Variants in ADGRL3 observed in about 807,000 individuals in gnomAD.
ADGRL3 encodes the protein calcium-independent alpha-latrotoxin receptor 3.
ADGRL3 carries 62 observed loss-of-function variants against 153.5 expected under a neutral mutation model. That is an observed-to-expected ratio of 0.40 (90% CI 0.33 to 0.50). The LOEUF (loss-of-function observed/expected upper bound fraction) is 0.50. Among genes scored for constraint, ADGRL3 ranks in the 20% least tolerant of loss-of-function variants. ADGRL3 has a pLI of 0.47. For synonymous variants in ADGRL3, 710 were observed against 672.5 expected, an observed-to-expected ratio of 1.06 and a Z score of -0.86; for missense variants, 1,641 against 1,859.4, an observed-to-expected ratio of 0.88 and a Z score of 2.16.
intron 1 of ADGRL3, among the ~76,000 whole-genome samples, chr4:61,220,757 A>G (rs1483811792): frequency 6.6e-6 from 1 of 152,148 alleles, no homozygotes; most frequent in Non-Finnish European, 1.5e-5. Context: ...TGTATATCAA[A>G]CTATCTTTTT....
At chr4:61,895,691 C>T in intron 10 of ADGRL3, 40 bp from the exon 11 acceptor site, 1 of 1,087,176 alleles carries the variant, frequency 9.2e-7, no homozygotes. Flanking sequence ...TGAAGTCATT[C>T]TAAGAAAAAG....
chr4:61,949,971 GA>G (rs1395601629), intron 17 of ADGRL3, among the ~76,000 whole-genome samples: 1 of 152,090 alleles, frequency 6.6e-6, no homozygotes, highest in Non-Finnish European at 1.5e-5. Flanking sequence ...ATTGTGGAAA[GA>G]AAATGACTAC....
intron 21 of ADGRL3, among the ~76,000 whole-genome samples, chr4:62,009,945 G>C (rs1411022345): frequency 1.3e-5 from 2 of 152,080 alleles, no homozygotes; most frequent in East Asian, 1.9e-4. Context: ...TCTGAGTACA[G>C]CTTTATTATA....
intron 4 of ADGRL3, among the ~76,000 whole-genome samples, chr4:61,585,274 C>G (rs1444243829): frequency 6.6e-6 from 1 of 151,970 alleles, no homozygotes; most frequent in Admixed American, 6.6e-5. Flanking sequence ...GAAGTTTTGC[C>G]TAGGGTCTAT....
chr4:61,945,471 G>C (rs1465767095), intron 15 of ADGRL3, among the ~76,000 whole-genome samples: 4 of 123,508 alleles, frequency 3.2e-5, no homozygotes, highest in East Asian at 2.5e-4. Context: ...CACCCAGTTC[G>C]AGCTTCCAGG....
intron 3 of ADGRL3, among the ~76,000 whole-genome samples, chr4:61,509,407 C>T (rs1413278941): frequency 1.3e-5 from 2 of 152,104 alleles, no homozygotes; most frequent in Non-Finnish European, 2.9e-5. Context: ...GGATTACAGG[C>T]GTGAACCACT....
At position 62,071,084 on chromosome 4, in the gene ADGRL3, G is replaced by T. The variant is rs1210959528; in HGVS notation, c.*176G>T. 21 of 570,032 alleles carry T rather than the reference G, an allele frequency of 3.7e-5. No homozygotes were observed. Among genetic ancestry groups the T allele is most frequent in the Non-Finnish European group, 6.1e-5 (20 of 330,574 alleles). The allele number at this position is 570,032 out of a possible 1,614,324, so 35.3% of individuals were successfully genotyped here. On this transcript the variant is annotated 3_prime_UTR_variant, in exon 27 of 27. Coordinates refer to ENST00000683033, the MANE Select transcript of ADGRL3 (RefSeq NM_001387552.1). ...ATGGGATTTTTAGGTCAGCCCAGGGGAGAAAGATAACTGCTAAAATTCCCC... is the reference window on the plus strand; with the variant it reads ...ATGGGATTTTTAGGTCAGCCCAGGGTAGAAAGATAACTGCTAAAATTCCCC...
intron 1 of ADGRL3, among the ~76,000 whole-genome samples, chr4:61,265,605 T>A (rs2092803333): frequency 6.6e-6 from 1 of 151,902 alleles, no homozygotes; most frequent in Non-Finnish European, 1.5e-5. Flanking sequence ...TCAGGAGTTT[T>A]GTTTCAGGAG....
chr4:61,845,652 C>T (rs529147091), intron 9 of ADGRL3, among the ~76,000 whole-genome samples: 2 of 151,876 alleles, frequency 1.3e-5, no homozygotes, highest in African/African-American at 4.8e-5. Flanking sequence ...AGGTGTAAGC[C>T]ACAGCACCCA....
chr4:61,744,526 G>T (rs994258421), intron 8 of ADGRL3, among the ~76,000 whole-genome samples: 1 of 152,148 alleles, frequency 6.6e-6, no homozygotes, highest in African/African-American at 2.4e-5. Context: ...AATTCCAGAG[G>T]AGCTATCAGG....
At chr4:61,787,734 T>A (rs989305776) in intron 8 of ADGRL3, among the ~76,000 whole-genome samples, 30 of 152,158 alleles carry the variant, frequency 2.0e-4, no homozygotes, top group African/African-American at 6.0e-4. Context: ...AATATTATTT[T>A]TATACAGTAA....
chr4:61,768,288 G>T (rs900920964), intron 8 of ADGRL3, among the ~76,000 whole-genome samples: 1 of 152,114 alleles, frequency 6.6e-6, no homozygotes. Flanking sequence ...AAGATTACAG[G>T]GTGGAGGAGC....
rs751990723 is a variant in ADGRL3 at position 61,996,287 on chromosome 4, G to A, written c.3237-4G>A. 5.0e-6 allele frequency: 8 copies of A among 1,609,416 alleles called. No homozygotes were observed. The highest frequency in any genetic ancestry group is 3.3e-5 in the Admixed American group (2 of 59,972). On this transcript the variant is annotated splice_region_variant and splice_polypyrimidine_tract_variant and intron_variant, in intron 19 of 26. Coordinates refer to ENST00000683033, the MANE Select transcript of ADGRL3 (RefSeq NM_001387552.1). ...TACCTTCTCTCCCTTGTGTTTCATT[G>A]CAGATGTTGGCTCCGACTTGACACC...
intron 19 of ADGRL3, among the ~76,000 whole-genome samples, chr4:61,993,349 A>G (rs1290626374): frequency 1.5e-5 from 2 of 136,140 alleles, no homozygotes; most frequent in African/African-American, 2.8e-5. Flanking sequence ...CTGGGGTGTA[A>G]CGGCATGATC....
At chr4:62,066,832 C>T (rs994957616) in intron 25 of ADGRL3, among the ~76,000 whole-genome samples, 1 of 152,178 alleles carries the variant, frequency 6.6e-6, no homozygotes, top group East Asian at 1.9e-4. Flanking sequence ...GAGATTGCAG[C>T]AGACAGAATT....
At position 61,733,397 on chromosome 4, in the gene ADGRL3, C is replaced by A; in HGVS notation, c.1242C>A (p.Asp414Glu). 6.2e-7 allele frequency: 1 copy of A among 1,613,714 alleles called. No individual in the cohort carries two copies. The highest frequency in any genetic ancestry group is 8.5e-7 in the Non-Finnish European group (1 of 1,179,810). The stretch of plus-strand genomic sequence containing the variant: ...AGATTGACTACATTTACAACACTGA[C>A]CAAAGCAAGGATAGTTTGGTGGATG... ...GNKIDYIYNT[D>E]QSKDSLVDVP... is the part of the protein sequence containing the mutation. The change falls in exon 8 of 27, where the codon GAC becomes GAA. Residue 414 changes from aspartate (D) to glutamate (E), a missense_variant. Transcript: ENST00000683033.
intron 25 of ADGRL3, among the ~76,000 whole-genome samples, chr4:62,063,049 A>G (rs548586244): frequency 6.6e-6 from 1 of 152,090 alleles, no homozygotes; most frequent in African/African-American, 2.4e-5. Context: ...ATCCTTTTTT[A>G]CTTTCATTGG....
Position 61,587,227 on chromosome 4 carries a change from C to A in ADGRL3, c.260C>A (p.Ala87Asp). ...CTTTTCTTCCTCTTCCTTTTGGCAG[C>A]TTTCAGCCGTGCCCCAATTCCAATG... Reference protein sequence around the residue: ...GAQGAQIAAQAFSRAPIPMAV... With the variant: ...GAQGAQIAAQDFSRAPIPMAV... The change falls in exon 5 of 27, where the codon GCT becomes GAT. Residue 87 changes from alanine to aspartate, a missense_variant and splice_region_variant. By Grantham distance (126) the Ala-to-Asp change is moderately radical. Transcript: ENST00000683033. 6.3e-7 allele frequency: 1 copy of A among 1,599,016 alleles called. No individual in the cohort carries two copies. Among genetic ancestry groups the A allele is most frequent in the Non-Finnish European group, 8.5e-7 (1 of 1,171,832 alleles).
At chr4:61,365,997 T>C (rs2096388598) in intron 1 of ADGRL3, among the ~76,000 whole-genome samples, 1 of 152,208 alleles carries the variant, frequency 6.6e-6, no homozygotes, top group South Asian at 2.1e-4. Context: ...TTTTTAGAAC[T>C]GGTCTGAACT....
Sources: allele counts gnomAD v4.1 joint callset (sites outside exome capture counted in the v4.1 genomes callset), GRCh38; gene constraint gnomAD v4.1.1; transcripts MANE v1.5; gene names NCBI Gene and HGNC (gene_info 2026-07-23, HGNC 2026-07-21).